Variants in TBL1X observed in about 807,000 individuals in gnomAD.
The protein encoded by TBL1X is F-box-like/WD repeat-containing protein TBL1X.
In TBL1X, 10 loss-of-function variants were observed where a neutral mutation model predicts 50.7. That is an observed-to-expected ratio of 0.20 (90% confidence interval 0.12 to 0.33). The LOEUF is 0.33. TBL1X is among the 10% of genes least tolerant of loss of function. The pLI, the probability that TBL1X is intolerant of heterozygous loss-of-function variation, is 1.00. For missense variants in TBL1X, 340 were observed against 504.4 expected (o/e 0.67, Z 3.12); for synonymous variants, 190 against 214.7 (o/e 0.88, Z 1.01).
chrX:9,676,625 A>T (rs2146621774), intron 5 of TBL1X, among the ~76,000 whole-genome samples: 1 of 111,871 alleles, frequency 8.9e-6, no homozygotes, highest in East Asian at 2.8e-4. Context: ...GCTAAATTCC[A>T]TGTTATGGTG....
intron 1 of TBL1X, among the ~76,000 whole-genome samples, chrX:9,486,599 C>G (rs1487431931): frequency 1.5e-4 from 14 of 95,987 alleles, no homozygotes; most frequent in Middle Eastern, 5.2e-3. Flanking sequence ...ACCCCCCCCC[C>G]ACGCCCCCGC....
chrX:9,501,283 A>G (rs1306749112), intron 1 of TBL1X, among the ~76,000 whole-genome samples: 1 of 111,980 alleles, frequency 8.9e-6, no homozygotes, highest in East Asian at 2.8e-4. Flanking sequence ...TTTGACAGGC[A>G]GTACATGCAA....
chrX:9,651,666 A>G (rs10126093), intron 3 of TBL1X, among the ~76,000 whole-genome samples: 3,611 of 112,259 alleles, frequency 0.032, 161 homozygotes, highest in African/African-American at 0.11. Context: ...TTTGTCTCTA[A>G]TATTTTCTTC....
At chrX:9,695,039 A>G (rs950986749) in intron 11 of TBL1X, among the ~76,000 whole-genome samples, 1 of 112,697 alleles carries the variant, frequency 8.9e-6, no homozygotes, top group African/African-American at 3.2e-5. Context: ...ACTTTGGGAG[A>G]AATTGCTAAA....
intron 1 of TBL1X, among the ~76,000 whole-genome samples, chrX:9,483,726 C>T (rs186226197): frequency 2.1e-4 from 23 of 110,056 alleles, no homozygotes; most frequent in African/African-American, 7.0e-4. Context: ...TAAGTGCATC[C>T]CTCCCACCCC....
chrX:9,654,078 TATAAA>T, intron 4 of TBL1X, 132 bp from the exon 5 acceptor site: 1 of 495,329 alleles, frequency 2.0e-6, no homozygotes, highest in East Asian at 3.8e-5. Context: ...ATCACATAAT[TATAAA>T]ATATAACACA....
At chrX:9,626,452 A>G (rs1324248013) in intron 2 of TBL1X, among the ~76,000 whole-genome samples, 1 of 112,037 alleles carries the variant, frequency 8.9e-6, no homozygotes, top group African/African-American at 3.2e-5. Context: ...ACTGGCTGAC[A>G]CTCCATGCAG....
intron 2 of TBL1X, among the ~76,000 whole-genome samples, chrX:9,502,695 T>C (rs1367348290): frequency 8.9e-6 from 1 of 112,713 alleles, no homozygotes; most frequent in Non-Finnish European, 1.9e-5. Flanking sequence ...ACCATTTTTA[T>C]TTCTTTCATC....
chrX:9,513,616 C>T (rs1025916557), intron 2 of TBL1X, among the ~76,000 whole-genome samples: 9 of 111,315 alleles, frequency 8.1e-5, no homozygotes, highest in African/African-American at 2.9e-4. Flanking sequence ...TGTTTCTCAC[C>T]TGGGGGTGAT....
At position 9,606,760 on chromosome X, in the gene TBL1X, C is replaced by T. The variant is rs538927780; in HGVS notation, c.-130-33513C>T. Among the ~76,000 whole-genome samples, 3 of 112,177 alleles carry T rather than the reference C, an allele frequency of 2.7e-5. No individual in the cohort carries two copies. In the South Asian group the frequency reaches 1.1e-3, roughly 42 times the overall value. On this transcript the variant is annotated intron_variant, in intron 2 of 17. Coordinates refer to ENST00000645353, the MANE Select transcript of TBL1X (RefSeq NM_005647.4). Reference sequence around the variant, plus strand: ...CATTTTTGAACAGAAAAACAGTTTTCCCTGCAATCAAATGCAAACAGTTCC... The same window carrying T: ...CATTTTTGAACAGAAAAACAGTTTTTCCTGCAATCAAATGCAAACAGTTCC...
chrX:9,673,557 C>T (rs1010097804), intron 5 of TBL1X, among the ~76,000 whole-genome samples: 8 of 112,268 alleles, frequency 7.1e-5, no homozygotes, highest in African/African-American at 1.6e-4. Flanking sequence ...GAACACCATC[C>T]ATCTGGCTTT....
intron 1 of TBL1X, among the ~76,000 whole-genome samples, chrX:9,469,280 G>C (rs1337746621): frequency 9.0e-6 from 1 of 111,000 alleles, no homozygotes; most frequent in African/African-American, 3.3e-5. Flanking sequence ...CTCCTGCCTC[G>C]GCCTCCTGAG....
intron 2 of TBL1X, among the ~76,000 whole-genome samples, chrX:9,549,707 G>T (rs2082261753): frequency 1.8e-5 from 2 of 111,576 alleles, no homozygotes; most frequent in Admixed American, 1.9e-4. Context: ...CTTCCTTCCT[G>T]GGCAGGCCCC....
At chrX:9,714,781 A>G in intron 16 of TBL1X, 121 bp from the exon 17 acceptor site, 3 of 730,077 alleles carry the variant, frequency 4.1e-6, no homozygotes, top group Non-Finnish European at 6.2e-6. Flanking sequence ...AAAACCCTTA[A>G]ATTTCACCAT....
Position 9,697,444 on chromosome X carries a change from G to T in TBL1X, c.1114+15G>T, listed in dbSNP as rs775285997. 8.7e-5 allele frequency: 105 copies of T among 1,201,960 alleles called. No homozygotes were observed. The highest frequency in any genetic ancestry group is 1.0e-4 in the Non-Finnish European group (93 of 890,699). On this transcript the variant is annotated intron_variant, in intron 12 of 17. Coordinates refer to ENST00000645353, the MANE Select transcript of TBL1X (RefSeq NM_005647.4). ...TTTTCATTCAGGTGAGTTTTTTGTT[G>T]TTGTTGTTGTTGTTTGTTTTTTTGT...
chrX:9,521,405 G>A (rs894423782), intron 2 of TBL1X, among the ~76,000 whole-genome samples: 4 of 111,796 alleles, frequency 3.6e-5, no homozygotes, highest in African/African-American at 9.8e-5. Context: ...CAGAGAGTGC[G>A]TGCTTGGGGG....
intron 2 of TBL1X, among the ~76,000 whole-genome samples, chrX:9,605,779 T>C (rs1283594518): frequency 8.9e-6 from 1 of 112,566 alleles, no homozygotes; most frequent in Non-Finnish European, 1.9e-5. Context: ...GCTAGGGCTT[T>C]TGTTTGCATG....
intron 2 of TBL1X, among the ~76,000 whole-genome samples, chrX:9,509,534 G>T (rs1160023598): frequency 5.7e-5 from 5 of 87,108 alleles, no homozygotes; most frequent in African/African-American, 2.2e-4. Flanking sequence ...ACCCAGGCTG[G>T]AGTGTTAGTT....
At chrX:9,661,518 C>G (rs765466635) in intron 5 of TBL1X, among the ~76,000 whole-genome samples, 1 of 111,115 alleles carries the variant, frequency 9.0e-6, no homozygotes. Context: ...GAGTGAGACC[C>G]TGTCTGAAAA....
Sources: allele counts gnomAD v4.1 joint callset (sites outside exome capture counted in the v4.1 genomes callset), GRCh38; gene constraint gnomAD v4.1.1; transcripts MANE v1.5; gene names NCBI Gene and HGNC (gene_info 2026-07-23, HGNC 2026-07-21).